The following MAP4K4 variants were observed in gnomAD, a reference collection of about 807,000 sequenced individuals.
MAP4K4 encodes mitogen-activated protein kinase kinase kinase kinase 4.
MAP4K4 carries 38 observed loss-of-function variants against 189.6 expected under a neutral mutation model. The observed-to-expected ratio is 0.20, with a 90% CI of 0.15 to 0.26. The LOEUF (loss-of-function observed/expected upper bound fraction) is 0.26. Ranked by LOEUF, MAP4K4 falls within the 10% of genes least tolerant of loss-of-function variation. MAP4K4 has a pLI of 1.00. For synonymous variants in MAP4K4, 610 were observed against 624.3 expected, an observed-to-expected ratio of 0.98 and a Z score of 0.34; for missense variants, 1,054 against 1,726.9, an observed-to-expected ratio of 0.61 and a Z score of 6.91.
At chr2:101,711,931 C>A (rs1438653380) in intron 2 of MAP4K4, among the ~76,000 whole-genome samples, 1 of 146,198 alleles carries the variant, frequency 6.8e-6, no homozygotes, top group Non-Finnish European at 1.5e-5. Flanking sequence ...CTTGCTGGCT[C>A]TATCAGCTAA....
intron 2 of MAP4K4, among the ~76,000 whole-genome samples, chr2:101,729,124 G>GTGTGTGTC (rs2057214987): frequency 6.6e-6 from 1 of 151,878 alleles, no homozygotes; most frequent in African/African-American, 2.4e-5. Context: ...GTGTGTGTGT[G>GTGTGTGTC]TGTGTGTCCT....
chr2:101,847,255 A>G (rs1367199027), intron 12 of MAP4K4, among the ~76,000 whole-genome samples: 2 of 152,198 alleles, frequency 1.3e-5, no homozygotes, highest in Non-Finnish European at 2.9e-5. Flanking sequence ...ACAATTATAT[A>G]CAGTATATGT....
At chr2:101,745,906 G>GT (rs1448892780) in intron 2 of MAP4K4, among the ~76,000 whole-genome samples, 2 of 148,724 alleles carry the variant, frequency 1.3e-5, no homozygotes, top group Non-Finnish European at 3.0e-5. Flanking sequence ...CCCCCATTTG[G>GT]TTCTCTGCCG....
intron 10 of MAP4K4, among the ~76,000 whole-genome samples, chr2:101,840,285 G>A (rs926060879): frequency 5.9e-5 from 9 of 152,046 alleles, no homozygotes; most frequent in African/African-American, 1.9e-4. Context: ...ACTTCCTTAC[G>A]GATGTGTTCA....
intron 2 of MAP4K4, among the ~76,000 whole-genome samples, chr2:101,784,176 C>G (rs929061601): frequency 1.3e-5 from 2 of 152,100 alleles, no homozygotes; most frequent in Admixed American, 6.5e-5. Context: ...TTTTGCACAT[C>G]CTATGAAAGC....
chr2:101,751,771 A>G (rs532738158), intron 2 of MAP4K4, among the ~76,000 whole-genome samples: 10 of 152,344 alleles, frequency 6.6e-5, no homozygotes, highest in Non-Finnish European at 1.5e-4. Flanking sequence ...AGACACCTGT[A>G]GGTAGGGTAG....
chr2:101,787,057 A>G (rs1389332866), intron 2 of MAP4K4, among the ~76,000 whole-genome samples: 1 of 152,214 alleles, frequency 6.6e-6, no homozygotes, highest in Non-Finnish European at 1.5e-5. Flanking sequence ...TGTATATTTA[A>G]TACTGACCAA....
intron 13 of MAP4K4, among the ~76,000 whole-genome samples, chr2:101,857,953 C>T (rs748283093): frequency 3.9e-5 from 6 of 152,292 alleles, no homozygotes; most frequent in Non-Finnish European, 7.3e-5. Flanking sequence ...AATGTCTCCT[C>T]GTAGTCCTTC....
intron 2 of MAP4K4, among the ~76,000 whole-genome samples, chr2:101,768,111 C>T (rs2079475033): frequency 1.3e-5 from 2 of 152,116 alleles, no homozygotes; most frequent in South Asian, 2.1e-4. Context: ...ACTTAAGCTG[C>T]CTCTCTAAGA....
chr2:101,741,191 A>G (rs1042588475), intron 2 of MAP4K4, among the ~76,000 whole-genome samples: 1 of 138,272 alleles, frequency 7.2e-6, no homozygotes, highest in South Asian at 2.3e-4. Context: ...TTTTTGAGAC[A>G]GAGTCTCGCT....
chr2:101,717,475 C>G (rs1175993634), intron 2 of MAP4K4, among the ~76,000 whole-genome samples: 5 of 152,156 alleles, frequency 3.3e-5, no homozygotes, highest in Admixed American at 6.5e-5. Context: ...GTTTAAGGCT[C>G]TCATATAATA....
chr2:101,778,001 C>G lies in MAP4K4; in HGVS notation c.124-12719C>G, dbSNP rs976485422. ...AAGACAGATTTTGGTGTACTTGTTG[C>G]TGGAAGAGTTTCAATTCAGTGTTCT... is the stretch of plus-strand genomic sequence containing the variant. On this transcript the variant is annotated intron_variant, in intron 2 of 32. Coordinates refer to ENST00000324219, the Ensembl canonical transcript of MAP4K4. Among the ~76,000 whole-genome samples the G allele has an allele frequency of 3.9e-5, 6 of 152,260 alleles. No homozygotes were observed. The South Asian group carries it at 1.0e-3, about 26-fold the overall frequency.
intron 22 of MAP4K4, 198 bp from the exon 23 acceptor site, chr2:101,870,097 A>G: frequency 1.6e-6 from 1 of 640,374 alleles, no homozygotes; most frequent in South Asian, 2.1e-5. Flanking sequence ...TATTCATTCT[A>G]AGTTTTTGCT....
At chr2:101,830,030 T>TCTTGCCTTTGGGC (rs1451235622) in intron 6 of MAP4K4, among the ~76,000 whole-genome samples, 1 of 152,174 alleles carries the variant, frequency 6.6e-6, no homozygotes, top group Non-Finnish European at 1.5e-5. Context: ...ACTTTTTGGG[T>TCTTGCCTTTGGGC]CTTGCCTTTG....
chr2:101,868,481 G>A (rs2097883210), intron 21 of MAP4K4, among the ~76,000 whole-genome samples: 1 of 152,252 alleles, frequency 6.6e-6, no homozygotes. Flanking sequence ...AGTTTTATAT[G>A]AAAATGTGGA....
chr2:101,773,323 C>T (rs558956606), intron 2 of MAP4K4, among the ~76,000 whole-genome samples: 11 of 152,282 alleles, frequency 7.2e-5, no homozygotes, highest in African/African-American at 2.2e-4. Flanking sequence ...AATCCCTAAG[C>T]GGATGTGTCT....
chr2:101,774,168 C>T (rs1204382909), intron 2 of MAP4K4, among the ~76,000 whole-genome samples: 2 of 152,172 alleles, frequency 1.3e-5, no homozygotes, highest in Non-Finnish European at 2.9e-5. Context: ...TACTAGTTTA[C>T]GTTACCACCA....
intron 8 of MAP4K4, 139 bp downstream of exon 8, chr2:101,834,602 T>C: frequency 3.0e-6 from 2 of 662,310 alleles, no homozygotes; most frequent in South Asian, 1.9e-5. Context: ...ATAAATATAG[T>C]CAAGTTTTAG....
intron 2 of MAP4K4, among the ~76,000 whole-genome samples, chr2:101,740,777 T>C (rs2062386835): frequency 6.6e-6 from 1 of 152,160 alleles, no homozygotes; most frequent in Non-Finnish European, 1.5e-5. Context: ...AAAAAAACCT[T>C]ATTTTTAGAG....
Sources: gnomAD v4.1 joint callset for allele counts (sites outside exome capture counted in the v4.1 genomes callset) on GRCh38, gnomAD v4.1.1 for gene constraint, MANE v1.5 for transcripts, NCBI Gene and HGNC (gene_info 2026-07-23, HGNC 2026-07-21) for gene names.